TM2D2: variants seen among roughly 807,000 people sequenced by gnomAD.
The protein encoded by TM2D2 is TM2 domain-containing protein 2.
Under a neutral mutation model 23.0 loss-of-function variants are expected in TM2D2, and 19 were observed. The observed-to-expected ratio is 0.82, with a 90% CI of 0.58 to 1.21. The LOEUF (loss-of-function observed/expected upper bound fraction) is 1.21. Ranked by LOEUF, TM2D2 falls within the 50% of genes most tolerant of loss-of-function variation. The pLI is 0.00. For missense variants in TM2D2, 246 were observed against 265.4 expected (o/e 0.93, Z 0.51); for synonymous variants, 120 against 108.8 (o/e 1.10, Z -0.64).
intron 2 of TM2D2, 57 bp from the exon 3 acceptor site, chr8:38,993,717 C>T (rs1490009559): frequency 7.9e-7 from 1 of 1,265,706 alleles, no homozygotes; most frequent in Non-Finnish European, 1.1e-6. Flanking sequence ...ACACAAACAT[C>T]TATCTTTATA....
chr8:38,992,344 G>A (rs2129428735), intron 3 of TM2D2, among the ~76,000 whole-genome samples: 1 of 148,650 alleles, frequency 6.7e-6, no homozygotes, highest in African/African-American at 2.5e-5. Context: ...CAGGTGTGGT[G>A]GAGCACACCT....
chr8:38,992,921 T>C (rs980159010), intron 3 of TM2D2, among the ~76,000 whole-genome samples: 1 of 152,254 alleles, frequency 6.6e-6, no homozygotes, highest in Non-Finnish European at 1.5e-5. Context: ...ATCATACTCA[T>C]AGACTGTTTC....
At chr8:38,992,836 A>G (rs890015624) in intron 3 of TM2D2, among the ~76,000 whole-genome samples, 10 of 152,208 alleles carry the variant, frequency 6.6e-5, no homozygotes, top group Non-Finnish European at 1.5e-4. Flanking sequence ...TGAGCAGCGA[A>G]AAGCGAGGAC....
At chr8:38,996,855 T>C (rs1168656817), upstream of TM2D2, 2 of 1,450,856 alleles carry the variant, frequency 1.4e-6, no homozygotes, top group Non-Finnish European at 1.8e-6. Context: ...GATTTTTCCC[T>C]ACGTCAGCGC....
chr8:38,996,631 G>C, upstream of TM2D2: 1 of 1,435,378 alleles, frequency 7.0e-7, no homozygotes, highest in Non-Finnish European at 9.1e-7. Flanking sequence ...CAGACGGGCG[G>C]GGCTACTCCG....
At position 38,990,703 on chromosome 8, in the gene TM2D2, A is replaced by G. The variant is rs547687279; in HGVS notation, c.*629T>C. 1 of 152,980 alleles carries G rather than the reference A, an allele frequency of 6.5e-6. No individual in the cohort carries two copies. The highest frequency in any genetic ancestry group is 6.5e-5 in the Admixed American group (1 of 15,368). The allele number at this position is 152,980 out of a possible 1,614,324, so 9.5% of individuals were successfully genotyped here. A position where few individuals can be genotyped will look rare whatever the true frequency, so the allele number is the denominator to read the frequency against. On this transcript the variant is annotated 3_prime_UTR_variant, in exon 4 of 4. Transcript: ENST00000456397. ...CTGCCTCTGGAACATAATGGAGACA[A>G]AAGAGGGCTTAATAGGATGGCTCAT...
At chr8:38,995,611 A>G in intron 1 of TM2D2, 1 of 1,463,344 alleles carries the variant, frequency 6.8e-7, no homozygotes, top group African/African-American at 1.5e-5. Flanking sequence ...TTTGTTGGAG[A>G]AGGGAGGTGT....
chr8:38,991,520 T>A lies in TM2D2; in HGVS notation c.457A>T (p.Thr153Ser). 6.2e-7 allele frequency: 1 copy of A among 1,613,840 alleles called. No homozygotes were observed. The highest frequency in any genetic ancestry group is 2.2e-5 in the East Asian group (1 of 44,876). Reference sequence around the variant, plus strand: ...CCCAGGAAGAAGGAGTAGAGTAAAGTGGTTATGAAGTAGTGTCCGGTATAC... The same window carrying A: ...CCCAGGAAGAAGGAGTAGAGTAAAGAGGTTATGAAGTAGTGTCCGGTATAC... ...IKYTGHYFIT[T>S]LLYSFFLGCF... Residue 153 changes from threonine (T) to serine (S), a missense_variant, in exon 4 of 4, where the codon ACT (threonine) becomes TCT (serine). Physicochemically the swap from Thr to Ser is moderately conservative, Grantham distance 58. Transcript: ENST00000456397.
intron 1 of TM2D2, chr8:38,995,913 C>T: frequency 1.2e-6 from 1 of 808,792 alleles, no homozygotes; most frequent in Non-Finnish European, 1.8e-6. Context: ...TAATACTCTC[C>T]TTGGGCTAAA....
chr8:38,993,947 T>G (rs1457930314), intron 2 of TM2D2: 2 of 215,466 alleles, frequency 9.3e-6, no homozygotes, highest in Non-Finnish European at 1.9e-5. Context: ...TAAAGGCCAT[T>G]TAGAAGAGAT....
At chr8:38,996,833 C>T (rs146067179), upstream of TM2D2, 647 of 1,440,454 alleles carry the variant, frequency 4.5e-4, 10 homozygotes, top group East Asian at 0.013. Flanking sequence ...CCTATTCTCG[C>T]GCCGGGGACT....
At position 38,991,289 on chromosome 8, in the gene TM2D2, C is replaced by T. The variant is rs58771784; in HGVS notation, c.*43G>A. Reference sequence around the variant, plus strand: ...AGCCTGTAGAGATGAATTCAGAAGACGGAGCTTTCACCCGCCTCCCTGGGC... The same window carrying T: ...AGCCTGTAGAGATGAATTCAGAAGATGGAGCTTTCACCCGCCTCCCTGGGC... On this transcript the variant is annotated 3_prime_UTR_variant, in exon 4 of 4. Transcript: ENST00000456397. 7,048 of 1,514,512 alleles carry T rather than the reference C, an allele frequency of 4.7e-3. 313 individuals are homozygous for T. The African/African-American group carries it at 0.085, about 18-fold the overall frequency. 93.8% of individuals were successfully genotyped at this position (1,514,512 alleles called of 1,614,324 possible). A position where few individuals can be genotyped will look rare whatever the true frequency, so the allele number is the denominator to read the frequency against.
Position 38,996,472 on chromosome 8 carries a change from A to C in TM2D2, c.-33T>G, listed in dbSNP as rs2129429943. 1 of 1,612,730 alleles carries C rather than the reference A, an allele frequency of 6.2e-7. No homozygotes were observed. Among genetic ancestry groups the C allele is most frequent in the African/African-American group, 1.3e-5 (1 of 75,038 alleles). ...GGCACAGGAGCGGAGACCCGGCCTC[A>C]ACCACAACCCCAGGCCAGCAGCACA... On this transcript the variant is annotated 5_prime_UTR_variant, in exon 1 of 4. Transcript: ENST00000456397.
In TM2D2 at chr8:38,996,224, G is replaced by C; in HGVS notation, c.216C>G (p.Leu72=). 2 of 1,613,648 alleles carry C rather than the reference G, an allele frequency of 1.2e-6. No homozygotes were observed. The highest frequency in any genetic ancestry group is 1.7e-6 in the Non-Finnish European group (2 of 1,179,870). The change falls in exon 1 of 4, where the codon CTC becomes CTG. Residue 72 remains leucine (L), a synonymous_variant. Transcript: ENST00000456397. ...EYGDPHSPVI[L]CSYLPDEFIE... is the part of the protein sequence containing the mutation. ...CACTGGTAGCTTACAGGTAAGAGCAGAGGATGACCGGAGAGTGGGGGTCGC... is the reference window on the plus strand; with the variant it reads ...CACTGGTAGCTTACAGGTAAGAGCACAGGATGACCGGAGAGTGGGGGTCGC...
Position 38,991,126 on chromosome 8 carries a change from AC to A in TM2D2, c.*205del. ...AAAGGAACAAATTTGATTCCCCACA[AC>A]ACTTTTTGCTTGTCATTCCGTCTGC... On this transcript the variant is annotated 3_prime_UTR_variant, in exon 4 of 4. Coordinates refer to ENST00000456397, the MANE Select transcript of TM2D2 (RefSeq NM_078473.3). 1 of 596,208 alleles carries A rather than the reference AC, an allele frequency of 1.7e-6. No homozygotes were observed. The highest frequency in any genetic ancestry group is 4.5e-4 in the Middle Eastern group (1 of 2,234). The allele number at this position is 596,208 out of a possible 1,614,324, so 36.9% of individuals were successfully genotyped here.
At chr8:38,996,070 G>C (rs930036114) in intron 1 of TM2D2, 143 bp downstream of exon 1, 67 of 1,019,908 alleles carry the variant, frequency 6.6e-5, no homozygotes, top group Non-Finnish European at 9.1e-5. Flanking sequence ...GAGAAACCTG[G>C]TTCATGATAT....
At chr8:38,992,749 C>T (rs1835641767) in intron 3 of TM2D2, among the ~76,000 whole-genome samples, 1 of 152,184 alleles carries the variant, frequency 6.6e-6, no homozygotes, top group Non-Finnish European at 1.5e-5. Flanking sequence ...ACTCAGCTGG[C>T]TTCCTGCATG....
chr8:38,995,176 C>G (rs920547638), intron 2 of TM2D2, 142 bp downstream of exon 2: 1 of 633,484 alleles, frequency 1.6e-6, no homozygotes, highest in African/African-American at 1.9e-5. Context: ...CTGACCCTGG[C>G]CATACTGGAA....
intron 3 of TM2D2, 134 bp downstream of exon 3, chr8:38,993,411 G>A: frequency 1.8e-6 from 1 of 548,114 alleles, no homozygotes; most frequent in Non-Finnish European, 3.1e-6. Flanking sequence ...AGCCATGATT[G>A]CACCACTGCA....
Sources: allele counts gnomAD v4.1 joint callset (sites outside exome capture counted in the v4.1 genomes callset), GRCh38; gene constraint gnomAD v4.1.1; transcripts MANE v1.5; gene names NCBI Gene and HGNC (gene_info 2026-07-23, HGNC 2026-07-21).